ABHD12: variants seen among roughly 807,000 people sequenced by gnomAD.
ABHD12 encodes the protein abhydrolase domain containing 12, lysophospholipase.
A neutral mutation model predicts 58.3 loss-of-function variants in ABHD12; 43 were observed. The observed-to-expected ratio is 0.74, with a 90% CI of 0.58 to 0.95. The LOEUF (loss-of-function observed/expected upper bound fraction) is 0.95, where lower values mean the gene tolerates loss of function less well. Ranked by LOEUF, ABHD12 falls within the 40% of genes least tolerant of loss-of-function variation. ABHD12 has a pLI of 0.00. For synonymous variants in ABHD12, 219 were observed against 211.2 expected (o/e 1.04, Z -0.32); for missense variants, 539 against 537.2 (o/e 1.00, Z -0.03).
At position 25,341,069 on chromosome 20, in the gene ABHD12, C is replaced by T. The variant is rs113448663; in HGVS notation, c.192-1718G>A. 1.2e-3 allele frequency among the ~76,000 whole-genome samples: 185 copies of T among 152,346 alleles called. 1 individual carries two copies. The highest frequency in any genetic ancestry group is 4.2e-3 in the African/African-American group (175 of 41,582). On this transcript the variant is annotated intron_variant, in intron 1 of 12. Transcript: ENST00000339157. ...AAAGCTGATGACAAATATGCACATC[C>T]GATAATGTAACTCATTCACTCATTT...
At chr20:25,322,626 C>A (rs2089100751) in intron 3 of ABHD12, among the ~76,000 whole-genome samples, 1 of 151,610 alleles carries the variant, frequency 6.6e-6, no homozygotes, top group African/African-American at 2.4e-5. Context: ...CTCAAGTGAT[C>A]CACCCGTCTC....
chr20:25,320,122 G>T (rs2089038220), intron 4 of ABHD12, 77 bp downstream of exon 4: 2 of 1,594,016 alleles, frequency 1.3e-6, no homozygotes, highest in Non-Finnish European at 1.7e-6. Context: ...CTGGTTTCCG[G>T]CAGACCGGGC....
At position 25,300,898 on chromosome 20, in the gene ABHD12, C is replaced by T. The variant is rs760290936; in HGVS notation, c.1158-14G>A. On this transcript the variant is annotated splice_polypyrimidine_tract_variant and intron_variant, in intron 12 of 12. Transcript: ENST00000339157. Reference sequence around the variant, plus strand: ...CCCAGGAATTCCCTAGACCACAGGACAATCAGGAGCCAATCATTTGAGCTC... The same window carrying T: ...CCCAGGAATTCCCTAGACCACAGGATAATCAGGAGCCAATCATTTGAGCTC... 1.2e-6 allele frequency: 2 copies of T among 1,613,086 alleles called. No individual in the cohort carries two copies. The highest frequency in any genetic ancestry group is 3.3e-5 in the Admixed American group (2 of 60,002).
At chr20:25,350,910 A>G (rs1230691613) in intron 1 of ABHD12, among the ~76,000 whole-genome samples, 1 of 151,782 alleles carries the variant, frequency 6.6e-6, no homozygotes, top group African/African-American at 2.4e-5. Flanking sequence ...GAGCATTTAA[A>G]AAAAAGCTGT....
At chr20:25,305,905 C>G (rs1468636153) in intron 10 of ABHD12, among the ~76,000 whole-genome samples, 1 of 152,106 alleles carries the variant, frequency 6.6e-6, no homozygotes, top group Admixed American at 6.5e-5. Context: ...GTGGCTCACG[C>G]CTGTAATCCC....
intron 6 of ABHD12, among the ~76,000 whole-genome samples, chr20:25,312,823 C>A (rs1295333094): frequency 6.6e-6 from 1 of 151,782 alleles, no homozygotes; most frequent in African/African-American, 2.4e-5. Flanking sequence ...CGCCTCTGCC[C>A]GGCCGCGACC....
intron 12 of ABHD12, chr20:25,295,089 T>C: frequency 6.5e-7 from 1 of 1,536,898 alleles, no homozygotes; most frequent in Non-Finnish European, 9.0e-7. Context: ...AGTGTGCTTC[T>C]GACTCGATAG....
downstream of ABHD12, chr20:25,296,428 C>T (rs1435688601): frequency 1.2e-6 from 2 of 1,614,088 alleles, no homozygotes; most frequent in African/African-American, 1.3e-5. Context: ...GGCAAGTTCT[C>T]CAGTGACCGG....
intron 2 of ABHD12, among the ~76,000 whole-genome samples, chr20:25,333,694 C>A (rs1177508817): frequency 6.6e-6 from 1 of 151,606 alleles, no homozygotes; most frequent in Non-Finnish European, 1.5e-5. Context: ...TAAACAGAAC[C>A]AAAGACAAAA....
downstream of ABHD12, chr20:25,295,758 G>C: frequency 1.4e-6 from 2 of 1,428,158 alleles, no homozygotes; most frequent in South Asian, 2.3e-5. Flanking sequence ...CCCAAGCTGA[G>C]TAGATTCTTG....
At chr20:25,303,006 A>T (rs1019501358) in intron 11 of ABHD12, among the ~76,000 whole-genome samples, 6 of 152,220 alleles carry the variant, frequency 3.9e-5, no homozygotes, top group Admixed American at 2.6e-4. Flanking sequence ...CAACTTGCTG[A>T]CAGTCAAAGC....
In ABHD12 at chr20:25,319,444, C is replaced by T. The variant is rs1026740104; in HGVS notation, c.542+755G>A. On this transcript the variant is annotated intron_variant, in intron 4 of 12. Transcript: ENST00000339157. ...AGAGCTCACACTGTAGGGTGGCCTG[C>T]AAAGACCCCAGCACCTGGTGCTTTC... Among the ~76,000 whole-genome samples, 4 of 152,192 alleles carry T rather than the reference C, an allele frequency of 2.6e-5. 1 individual carries two copies. Among genetic ancestry groups the T allele is most frequent in the Non-Finnish European group, 4.4e-5 (3 of 68,022 alleles).
chr20:25,368,901 A>C (rs936868383), intron 1 of ABHD12: 1 of 406,710 alleles, frequency 2.5e-6, no homozygotes, highest in Non-Finnish European at 4.7e-6. Context: ...CTGCGGCAGG[A>C]TTGCTTAATT....
At chr20:25,348,008 A>G (rs556435056) in intron 1 of ABHD12, among the ~76,000 whole-genome samples, 4 of 151,926 alleles carry the variant, frequency 2.6e-5, no homozygotes, top group African/African-American at 9.7e-5. Flanking sequence ...TCAGGAGATC[A>G]AGATCATCCT....
At chr20:25,302,060 C>T (rs1386633845) in intron 12 of ABHD12, among the ~76,000 whole-genome samples, 159 bp downstream of exon 12, 2 of 152,202 alleles carry the variant, frequency 1.3e-5, no homozygotes, top group Non-Finnish European at 2.9e-5. Flanking sequence ...GGCACTCCCT[C>T]AAACCCCTCT....
intron 3 of ABHD12, 142 bp from the exon 4 acceptor site, chr20:25,320,460 G>T: frequency 9.0e-7 from 1 of 1,109,394 alleles, no homozygotes; most frequent in East Asian, 2.5e-5. Flanking sequence ...GGAACAGATG[G>T]GGGTGGGTGG....
chr20:25,317,074 C>T lies in ABHD12; in HGVS notation c.547G>A (p.Gly183Ser), dbSNP rs373748366. ...TTGTAAAGCTCCACGCGGTGGTCGCCTCCTCTGGAGAAGAAAACAGGACAT... is the reference window on the plus strand; with the variant it reads ...TTGTAAAGCTCCACGCGGTGGTCGCTTCCTCTGGAGAAGAAAACAGGACAT... ...YLHGNAGTRG[G>S]DHRVELYKVL... The change falls in exon 5 of 13, where the codon GGC becomes AGC. Residue 183 changes from glycine (G) to serine (S), a missense_variant. Physicochemically the swap from Gly to Ser is moderately conservative, Grantham distance 56. Coordinates refer to ENST00000339157, the MANE Select transcript of ABHD12 (RefSeq NM_001042472.3). 1.2e-6 allele frequency: 2 copies of T among 1,612,376 alleles called. No individual in the cohort carries two copies. Among genetic ancestry groups the T allele is most frequent in the Non-Finnish European group, 8.5e-7 (1 of 1,179,120 alleles).
chr20:25,295,770 C>G, downstream of ABHD12: 2 of 1,363,762 alleles, frequency 1.5e-6, no homozygotes. Context: ...AGATTCTTGG[C>G]CTGGGCCAGA....
At chr20:25,299,439 G>T (rs1197392376), downstream of ABHD12, among the ~76,000 whole-genome samples, 2 of 151,562 alleles carry the variant, frequency 1.3e-5, no homozygotes, top group African/African-American at 4.9e-5. Context: ...TTTTTAGTTT[G>T]TATCTATCTT....
Sources: gnomAD v4.1 joint callset for allele counts (sites outside exome capture counted in the v4.1 genomes callset) on GRCh38, gnomAD v4.1.1 for gene constraint, MANE v1.5 for transcripts, NCBI Gene and HGNC (gene_info 2026-07-23, HGNC 2026-07-21) for gene names.